The following DISC1 variants were observed in gnomAD, a reference collection of about 807,000 sequenced individuals.
DISC1 encodes the protein disrupted in schizophrenia 1 protein.
A neutral mutation model predicts 84.5 loss-of-function variants in DISC1; 57 were observed. The ratio of observed to expected loss-of-function variants is 0.67; its 90% confidence interval spans 0.55 to 0.84. DISC1 has a LOEUF of 0.84. DISC1 is among the 40% of genes least tolerant of loss of function. The pLI, the probability that DISC1 is intolerant of heterozygous loss-of-function variation, is 0.00. For synonymous variants in DISC1, 411 were observed against 415.2 expected, an observed-to-expected ratio of 0.99 and a Z score of 0.12; for missense variants, 1,000 against 1,057.8, an observed-to-expected ratio of 0.95 and a Z score of 0.76.
At chr1:231,878,410 A>G (rs2125976918) in intron 9 of DISC1, among the ~76,000 whole-genome samples, 1 of 152,264 alleles carries the variant, frequency 6.6e-6, no homozygotes, top group South Asian at 2.1e-4. Context: ...GACCCTCTGA[A>G]CAAGCAACCT....
At chr1:231,884,475 C>A (rs966954265) in intron 9 of DISC1, among the ~76,000 whole-genome samples, 2 of 152,144 alleles carry the variant, frequency 1.3e-5, no homozygotes, top group Non-Finnish European at 2.9e-5. Context: ...ATTTGTACCA[C>A]ATTTTCTTTA....
chr1:231,886,760 T>TTTCTTCCGTCCG (rs2086713913), intron 9 of DISC1, among the ~76,000 whole-genome samples: 1 of 110,476 alleles, frequency 9.1e-6, no homozygotes, highest in African/African-American at 3.4e-5. Flanking sequence ...CCTTTCTTCC[T>TTTCTTCCGTCCG]TCCTTCCTTT....
At chr1:231,895,776 T>C (rs1453801688) in intron 9 of DISC1, among the ~76,000 whole-genome samples, 2 of 152,178 alleles carry the variant, frequency 1.3e-5, no homozygotes, top group East Asian at 3.8e-4. Context: ...CATCTTCTTA[T>C]TCTCCCTGGG....
At chr1:231,724,205 C>A in intron 3 of DISC1, 1 of 288,080 alleles carries the variant, frequency 3.5e-6, no homozygotes, top group Non-Finnish European at 5.2e-6. Flanking sequence ...CTTCCCTGGG[C>A]TGTCTCCTGG....
chr1:231,814,255 C>A (rs1033099541), intron 8 of DISC1, among the ~76,000 whole-genome samples: 2 of 152,162 alleles, frequency 1.3e-5, no homozygotes, highest in Non-Finnish European at 2.9e-5. Flanking sequence ...TGATCTTCAG[C>A]AAGATATTTT....
chr1:231,769,779 G>A (rs1335962258), intron 5 of DISC1, among the ~76,000 whole-genome samples: 1 of 152,188 alleles, frequency 6.6e-6, no homozygotes, highest in African/African-American at 2.4e-5. Context: ...TGCTATGTGT[G>A]TTTTACCAGT....
At chr1:231,671,334 C>T (rs1380849340) in intron 1 of DISC1, among the ~76,000 whole-genome samples, 1 of 150,876 alleles carries the variant, frequency 6.6e-6, no homozygotes, top group Non-Finnish European at 1.5e-5. Flanking sequence ...TTGCTATTTT[C>T]TCAAGTTGAT....
chr1:231,767,458 G>C (rs2125438739), intron 5 of DISC1, among the ~76,000 whole-genome samples, 189 bp downstream of exon 5: 1 of 152,220 alleles, frequency 6.6e-6, no homozygotes, highest in East Asian at 1.9e-4. Context: ...CCCATGCCTG[G>C]CTAAATTTTT....
intron 3 of DISC1, among the ~76,000 whole-genome samples, chr1:231,716,779 A>G (rs2068790018): frequency 6.6e-6 from 1 of 152,166 alleles, no homozygotes; most frequent in South Asian, 2.1e-4. Context: ...TAATCTTTCC[A>G]TTTAAAATGG....
At chr1:231,887,748 C>T (rs914321059) in intron 9 of DISC1, among the ~76,000 whole-genome samples, 3 of 152,198 alleles carry the variant, frequency 2.0e-5, no homozygotes, top group African/African-American at 7.2e-5. Context: ...AAACTAATTA[C>T]CTGACATCAA....
intron 9 of DISC1, among the ~76,000 whole-genome samples, chr1:231,944,441 C>T (rs1417245185): frequency 3.3e-5 from 5 of 152,166 alleles, no homozygotes; most frequent in Admixed American, 6.5e-5. Flanking sequence ...TGTGCTAACT[C>T]GGAAGAAGGG....
At chr1:231,987,718 A>G (rs1003415496) in intron 10 of DISC1, among the ~76,000 whole-genome samples, 1 of 152,216 alleles carries the variant, frequency 6.6e-6, no homozygotes, top group African/African-American at 2.4e-5. Context: ...CTTTGGTATT[A>G]GCAATGAGCT....
chr1:231,924,045 C>A (rs1213318044), intron 9 of DISC1, among the ~76,000 whole-genome samples: 1 of 152,172 alleles, frequency 6.6e-6, no homozygotes, highest in African/African-American at 2.4e-5. Context: ...TTAAGGGTCG[C>A]TTATTTCAAC....
intron 10 of DISC1, among the ~76,000 whole-genome samples, chr1:231,994,524 G>A (rs554823302): frequency 6.9e-4 from 105 of 152,316 alleles, no homozygotes; most frequent in South Asian, 5.6e-3. Context: ...AATGTCAAAA[G>A]AGTAAAGGTT....
intron 2 of DISC1, 30 bp downstream of exon 2, chr1:231,694,835 A>G: frequency 6.2e-7 from 1 of 1,609,126 alleles, no homozygotes; most frequent in East Asian, 2.2e-5. Context: ...CTGTGGCCCG[A>G]GATTGTCGTG....
chr1:231,670,738 C>T (rs142543339), intron 1 of DISC1: 1 of 152,266 alleles, frequency 6.6e-6, no homozygotes, highest in African/African-American at 2.4e-5. Flanking sequence ...AGCCTTGGTG[C>T]TTTGTATAAA....
intron 10 of DISC1, among the ~76,000 whole-genome samples, chr1:231,980,188 A>G (rs532315339): frequency 6.6e-6 from 1 of 152,342 alleles, no homozygotes; most frequent in East Asian, 1.9e-4. Context: ...TAATTTAGCC[A>G]TAGATATTCA....
chr1:231,871,112 T>C (rs1222571803), intron 9 of DISC1, among the ~76,000 whole-genome samples: 3 of 152,222 alleles, frequency 2.0e-5, no homozygotes, highest in Non-Finnish European at 4.4e-5. Context: ...CAAAGCTGAC[T>C]GCACTCATTG....
intron 10 of DISC1, among the ~76,000 whole-genome samples, chr1:232,005,593 CATG>C (rs1667320803): frequency 6.6e-6 from 1 of 152,180 alleles, no homozygotes. Context: ...TTTGTCAATA[CATG>C]ATATTCTTAG....
Sources: gnomAD v4.1 joint callset for allele counts (sites outside exome capture counted in the v4.1 genomes callset) on GRCh38, gnomAD v4.1.1 for gene constraint, MANE v1.5 for transcripts, NCBI Gene and HGNC (gene_info 2026-07-23, HGNC 2026-07-21) for gene names.